RCOR1: variants seen among roughly 807,000 people sequenced by gnomAD.
RCOR1 encodes the protein REST corepressor.
Under a neutral mutation model 64.0 loss-of-function variants are expected in RCOR1, and 12 were observed. The observed-to-expected ratio is 0.19, with a 90% CI of 0.12 to 0.30. RCOR1 has a LOEUF of 0.30. Ranked by LOEUF, RCOR1 falls within the 10% of genes least tolerant of loss-of-function variation. RCOR1 has a pLI of 1.00. For synonymous variants in RCOR1, 279 were observed against 227.2 expected (o/e 1.23, Z -2.05); for missense variants, 502 against 621.2 (o/e 0.81, Z 2.04).
chr14:102,635,646 C>T (rs150885721), intron 2 of RCOR1, among the ~76,000 whole-genome samples: 28 of 152,054 alleles, frequency 1.8e-4, no homozygotes, highest in African/African-American at 5.1e-4. Context: ...CATAATTTGA[C>T]GCAAGTTGAC....
At chr14:102,634,512 C>T (rs1005690016) in intron 2 of RCOR1, among the ~76,000 whole-genome samples, 1 of 152,006 alleles carries the variant, frequency 6.6e-6, no homozygotes, top group Non-Finnish European at 1.5e-5. Context: ...TATCTAGGGA[C>T]AGAAGGTTCC....
chr14:102,592,767 G>T lies in RCOR1; in HGVS notation c.-120G>T. The T allele has an allele frequency of 8.3e-7, 1 of 1,206,828 alleles. No individual in the cohort carries two copies. Among genetic ancestry groups the T allele is most frequent in the Non-Finnish European group, 1.0e-6 (1 of 972,332 alleles). 74.8% of individuals were successfully genotyped at this position (1,206,828 alleles called of 1,614,324 possible). ...CCTCCCCCGACTCGGACTCGCGCCC[G>T]TGGGCTCCCGCCGCGCCCGCCCGGC... On this transcript the variant is annotated 5_prime_UTR_variant, in exon 1 of 12. Transcript: ENST00000262241.
chr14:102,666,044 CT>C (rs1341460108), intron 2 of RCOR1, among the ~76,000 whole-genome samples: 1 of 152,268 alleles, frequency 6.6e-6, no homozygotes, highest in South Asian at 2.1e-4. Context: ...GAGGAATGGA[CT>C]GCTAACCTGG....
At chr14:102,715,494 A>G (rs1896052830) in intron 8 of RCOR1, among the ~76,000 whole-genome samples, 1 of 150,678 alleles carries the variant, frequency 6.6e-6, no homozygotes, top group Non-Finnish European at 1.5e-5. Context: ...TGATCCTCCC[A>G]TCTCAGCCTC....
chr14:102,723,731 G>T (rs568768098), intron 11 of RCOR1, among the ~76,000 whole-genome samples: 1 of 152,306 alleles, frequency 6.6e-6, no homozygotes, highest in South Asian at 2.1e-4. Flanking sequence ...GCATTGAAAA[G>T]CTGGAGACTG....
intron 3 of RCOR1, among the ~76,000 whole-genome samples, chr14:102,689,516 G>A (rs1056020272): frequency 1.3e-5 from 2 of 152,194 alleles, no homozygotes; most frequent in South Asian, 2.1e-4. Context: ...GTAGAATTTA[G>A]CAAGGTGACT....
chr14:102,655,339 C>A, intron 2 of RCOR1: 1 of 985,224 alleles, frequency 1.0e-6, no homozygotes. Context: ...TTGTACTTTA[C>A]TTTAGAATGG....
At chr14:102,621,171 T>C (rs1030902469) in intron 2 of RCOR1, among the ~76,000 whole-genome samples, 1 of 152,098 alleles carries the variant, frequency 6.6e-6, no homozygotes, top group Non-Finnish European at 1.5e-5. Context: ...AGGATCTAAC[T>C]GCGTTGCCTA....
chr14:102,600,487 T>C (rs948058537), intron 2 of RCOR1, among the ~76,000 whole-genome samples: 16 of 151,952 alleles, frequency 1.1e-4, no homozygotes, highest in African/African-American at 3.6e-4. Context: ...CTGCAACCTC[T>C]GTCTCCCAGG....
intron 2 of RCOR1, among the ~76,000 whole-genome samples, chr14:102,608,519 C>T (rs1189995132): frequency 6.6e-6 from 1 of 152,150 alleles, no homozygotes. Context: ...ATTGCAACCT[C>T]TGCCTCCCTC....
chr14:102,622,700 C>G (rs1354312895), intron 2 of RCOR1, among the ~76,000 whole-genome samples: 1 of 152,180 alleles, frequency 6.6e-6, no homozygotes, highest in Non-Finnish European at 1.5e-5. Flanking sequence ...CACTGCCTCC[C>G]TGCAGCCCTC....
At chr14:102,665,099 G>A (rs1401226907) in intron 2 of RCOR1, among the ~76,000 whole-genome samples, 6 of 151,932 alleles carry the variant, frequency 3.9e-5, no homozygotes, top group Middle Eastern at 3.2e-3. Flanking sequence ...TCTGCCTCCC[G>A]GGTTCAAGCG....
chr14:102,662,535 TG>T, intron 2 of RCOR1: 2 of 499,446 alleles, frequency 4.0e-6, no homozygotes, highest in Non-Finnish European at 7.8e-6. Flanking sequence ...TGAGGATATT[TG>T]GGCTGCCCCT....
chr14:102,619,375 C>T (rs1318964060), intron 2 of RCOR1, among the ~76,000 whole-genome samples: 3 of 152,086 alleles, frequency 2.0e-5, no homozygotes, highest in Non-Finnish European at 4.4e-5. Context: ...CTCCCTCAGC[C>T]TCCCAAAATG....
rs559298033 is a variant in RCOR1, at chr14:102,729,849, G to A, written c.*3343G>A. 1.0e-5 allele frequency: 4 copies of A among 399,042 alleles called. No homozygotes were observed. Among genetic ancestry groups the A allele is most frequent in the East Asian group, 3.6e-5 (1 of 28,080 alleles). 24.7% of individuals were successfully genotyped at this position (399,042 alleles called of 1,614,324 possible). A position where few individuals can be genotyped will look rare whatever the true frequency, so the allele number is the denominator to read the frequency against. ...AAGGAAAGATGGAGCCAACTCCAAC[G>A]AGGGCCTCTTTTTCTCTCTTGTCTA... On this transcript the variant is annotated 3_prime_UTR_variant, in exon 12 of 12. Coordinates refer to ENST00000262241, the MANE Select transcript of RCOR1 (RefSeq NM_015156.4).
chr14:102,612,648 A>G (rs117596296), intron 2 of RCOR1, among the ~76,000 whole-genome samples: 1,545 of 151,896 alleles, frequency 0.01, 15 homozygotes, highest in Admixed American at 0.015. Flanking sequence ...GTTCATTTCA[A>G]TATTCCTGAT....
rs1896122554 is a variant in RCOR1, at chr14:102,718,963, A to AT, written c.1054-2037dup. ...ACCACCACACCTGGCTAATTTTAAA[A>AT]TTTTTTTGGTAGAGACAGGGTCTTG... On this transcript the variant is annotated intron_variant, in intron 8 of 11. Transcript: ENST00000262241. Among the ~76,000 whole-genome samples, 3 of 151,796 alleles carry AT rather than the reference A, an allele frequency of 2.0e-5. No homozygotes were observed. In the South Asian group the frequency reaches 6.2e-4, roughly 31 times the overall value.
chr14:102,689,866 C>T lies in RCOR1; in HGVS notation c.445+7888C>T, dbSNP rs955690013. Among the ~76,000 whole-genome samples, 4 of 152,124 alleles carry T rather than the reference C, an allele frequency of 2.6e-5. No homozygotes were observed. In the South Asian group the frequency reaches 8.3e-4, roughly 32 times the overall value. On this transcript the variant is annotated intron_variant, in intron 3 of 11. Transcript: ENST00000262241. ...TCAAGCTATTCTCCTGCCTCAGCCT[C>T]CCTAGTAGCTGGAATTACAGGCACC...
intron 2 of RCOR1, among the ~76,000 whole-genome samples, chr14:102,606,804 A>G (rs769468178): frequency 6.6e-6 from 1 of 150,568 alleles, no homozygotes; most frequent in East Asian, 2.0e-4. Flanking sequence ...CCTGGCTGTT[A>G]AGTATTATCT....
Sources: allele counts gnomAD v4.1 joint callset (sites outside exome capture counted in the v4.1 genomes callset), GRCh38; gene constraint gnomAD v4.1.1; transcripts MANE v1.5; gene names NCBI Gene and HGNC (gene_info 2026-07-23, HGNC 2026-07-21).